UMAD1: variants seen among roughly 807,000 people sequenced by gnomAD.
The protein encoded by UMAD1 is UBAP1-MVB12-associated (UMA) domain containing 1.
In UMAD1, 8 loss-of-function variants were observed where a neutral mutation model predicts 6.1. That is an observed-to-expected ratio of 1.30 (90% CI 0.76 to 2.35). The LOEUF is 2.35. Among genes scored for constraint, UMAD1 ranks in the 30% most tolerant of loss-of-function variants. UMAD1 has a pLI of 0.00. For missense variants in UMAD1, 130 were observed against 78.4 expected, an observed-to-expected ratio of 1.66 and a Z score of -2.49; for synonymous variants, 56 against 31.4, an observed-to-expected ratio of 1.78 and a Z score of -2.61.
chr7:7,841,705 CAA>C (rs1365464453), intron 3 of UMAD1, among the ~76,000 whole-genome samples: 6 of 152,252 alleles, frequency 3.9e-5, no homozygotes, highest in Non-Finnish European at 7.4e-5. Flanking sequence ...TTAGAAAAGA[CAA>C]TATCAAAGAA....
At chr7:7,870,607 C>G (rs1014836234) in intron 3 of UMAD1, among the ~76,000 whole-genome samples, 8 of 152,282 alleles carry the variant, frequency 5.3e-5, no homozygotes, top group African/African-American at 1.7e-4. Context: ...AAACCCCCAG[C>G]CCCCACCACT....
intron 2 of UMAD1, among the ~76,000 whole-genome samples, chr7:7,714,943 AAAC>A (rs920648661): frequency 1.1e-4 from 16 of 151,498 alleles, no homozygotes; most frequent in East Asian, 3.9e-4. Context: ...CACTAGAATT[AAAC>A]AACAACAACA....
intron 2 of UMAD1, chr7:7,736,670 TTAAGA>T (rs1379218457): frequency 6.6e-6 from 1 of 150,740 alleles, no homozygotes; most frequent in Non-Finnish European, 1.5e-5. Context: ...ATTCTTTTCT[TTAAGA>T]AAGAATTCTC....
chr7:7,778,467 A>G lies in UMAD1; in HGVS notation c.83-23203A>G, dbSNP rs549961364. 3.3e-5 allele frequency among the ~76,000 whole-genome samples: 5 copies of G among 150,738 alleles called. No homozygotes were observed. The South Asian group carries it at 8.4e-4, about 25-fold the overall frequency. ...TTTTTAAAGGCAGGTCTTGTCACCCATGCTGGAGTGCAGGGGTGCGATCAC... is the reference window on the plus strand; with the variant it reads ...TTTTTAAAGGCAGGTCTTGTCACCCGTGCTGGAGTGCAGGGGTGCGATCAC... On this transcript the variant is annotated intron_variant, in intron 2 of 3. Transcript: ENST00000682710.
At chr7:7,777,228 T>C (rs1158916606) in intron 2 of UMAD1, among the ~76,000 whole-genome samples, 1 of 152,018 alleles carries the variant, frequency 6.6e-6, no homozygotes, top group African/African-American at 2.4e-5. Flanking sequence ...TACTACAGGC[T>C]GGGCGTGGCG....
At chr7:7,700,524 A>T (rs1200977578) in intron 2 of UMAD1, among the ~76,000 whole-genome samples, 2 of 152,172 alleles carry the variant, frequency 1.3e-5, no homozygotes, top group Non-Finnish European at 2.9e-5. Flanking sequence ...CATAAGTTCT[A>T]GACCATACTG....
chr7:7,701,898 C>T (rs966447990), intron 2 of UMAD1, among the ~76,000 whole-genome samples: 3 of 152,146 alleles, frequency 2.0e-5, no homozygotes, highest in African/African-American at 7.2e-5. Flanking sequence ...TCACTGCAAC[C>T]ATTTCTGCCA....
intron 2 of UMAD1, among the ~76,000 whole-genome samples, chr7:7,723,891 T>C (rs1252998650): frequency 6.6e-6 from 1 of 152,178 alleles, no homozygotes. Context: ...GTGAAATTGA[T>C]AGGAAGCCTA....
At chr7:7,698,967 A>C (rs1780385193) in intron 2 of UMAD1, among the ~76,000 whole-genome samples, 1 of 142,230 alleles carries the variant, frequency 7.0e-6, no homozygotes, top group African/African-American at 2.7e-5. Context: ...TGATTCTCCC[A>C]CTTCAGCCCC....
At chr7:7,834,574 C>T (rs1487781160) in intron 3 of UMAD1, among the ~76,000 whole-genome samples, 1 of 151,556 alleles carries the variant, frequency 6.6e-6, no homozygotes, top group African/African-American at 2.4e-5. Flanking sequence ...GATGAAGAAC[C>T]CCTTCATGGC....
chr7:7,707,625 A>G (rs2115164638), intron 2 of UMAD1, among the ~76,000 whole-genome samples: 1 of 152,328 alleles, frequency 6.6e-6, no homozygotes, highest in African/African-American at 2.4e-5. Context: ...ATAAAAGACT[A>G]AATGATATTT....
chr7:7,770,158 T>C (rs1782071547), intron 2 of UMAD1, among the ~76,000 whole-genome samples: 1 of 152,214 alleles, frequency 6.6e-6, no homozygotes, highest in African/African-American at 2.4e-5. Flanking sequence ...CCTTCTCATA[T>C]TTCTAAGGAA....
At chr7:7,722,351 G>T (rs1020961488) in intron 2 of UMAD1, among the ~76,000 whole-genome samples, 1 of 151,980 alleles carries the variant, frequency 6.6e-6, no homozygotes, top group African/African-American at 2.4e-5. Context: ...TGCTTAATAT[G>T]ATTAGACCCA....
At chr7:7,749,920 A>G (rs1299590762) in intron 2 of UMAD1, among the ~76,000 whole-genome samples, 2 of 152,152 alleles carry the variant, frequency 1.3e-5, no homozygotes, top group Non-Finnish European at 2.9e-5. Context: ...AATATCCATG[A>G]AGGATCTCTT....
intron 2 of UMAD1, among the ~76,000 whole-genome samples, chr7:7,763,941 T>G (rs1781939550): frequency 6.6e-6 from 1 of 152,124 alleles, no homozygotes; most frequent in Non-Finnish European, 1.5e-5. Flanking sequence ...GAAATGATAG[T>G]AAATTGGGAA....
intron 2 of UMAD1, among the ~76,000 whole-genome samples, chr7:7,757,663 C>T (rs1781803526): frequency 6.6e-6 from 1 of 152,178 alleles, no homozygotes; most frequent in African/African-American, 2.4e-5. Flanking sequence ...TGGCTAGACT[C>T]CTGTTCAACC....
At chr7:7,727,236 T>A (rs1177967786) in intron 2 of UMAD1, among the ~76,000 whole-genome samples, 9 of 152,238 alleles carry the variant, frequency 5.9e-5, no homozygotes, top group Admixed American at 5.9e-4. Context: ...TGCTTGTTCA[T>A]GTATACACTG....
chr7:7,714,807 G>A (rs184446589), intron 2 of UMAD1, among the ~76,000 whole-genome samples: 9 of 151,246 alleles, frequency 6.0e-5, no homozygotes, highest in Non-Finnish European at 1.5e-5. Context: ...CACTTGTGTA[G>A]AGTAATTTTT....
At chr7:7,787,184 A>G (rs1782477110) in intron 2 of UMAD1, among the ~76,000 whole-genome samples, 1 of 152,200 alleles carries the variant, frequency 6.6e-6, no homozygotes, top group Admixed American at 6.5e-5. Flanking sequence ...AGAATATCTA[A>G]TTTATGAAAC....
Sources: gnomAD v4.1 joint callset for allele counts (sites outside exome capture counted in the v4.1 genomes callset) on GRCh38, gnomAD v4.1.1 for gene constraint, MANE v1.5 for transcripts, NCBI Gene and HGNC (gene_info 2026-07-23, HGNC 2026-07-21) for gene names.